Variants in CHAF1A observed in about 807,000 individuals in gnomAD.
The protein encoded by CHAF1A is CAF-1 subunit A.
Under a neutral mutation model 93.2 loss-of-function variants are expected in CHAF1A, and 5 were observed. The ratio of observed to expected loss-of-function variants is 0.05; its 90% CI spans 0.03 to 0.11. CHAF1A has a LOEUF of 0.11. CHAF1A is among the 10% of genes least tolerant of loss of function. The pLI is 1.00. For synonymous variants in CHAF1A, 504 were observed against 510.3 expected, an observed-to-expected ratio of 0.99 and a Z score of 0.17; for missense variants, 1,102 against 1,259.9, an observed-to-expected ratio of 0.87 and a Z score of 1.90.
chr19:4,436,678 C>T (rs946192884), intron 13 of CHAF1A, among the ~76,000 whole-genome samples: 5 of 152,160 alleles, frequency 3.3e-5, no homozygotes, highest in Admixed American at 2.0e-4. Flanking sequence ...CTCAGATGTT[C>T]CTTTGGGGTC....
chr19:4,414,404 AAAAAAAAC>A (rs1973862143), intron 3 of CHAF1A, among the ~76,000 whole-genome samples: 1 of 151,772 alleles, frequency 6.6e-6, no homozygotes, highest in African/African-American at 2.4e-5. Context: ...CTCAAAAAAA[AAAAAAAAC>A]AAAAAGGAAA....
chr19:4,448,480 C>G (rs1974587668), downstream of CHAF1A: 1 of 1,330,002 alleles, frequency 7.5e-7, no homozygotes, highest in Non-Finnish European at 1.1e-6. Flanking sequence ...CTCCGCTGCC[C>G]AGGTAACAGG....
At chr19:4,447,019 AG>A, downstream of CHAF1A, 1 of 1,228,676 alleles carries the variant, frequency 8.1e-7, no homozygotes, top group South Asian at 1.3e-5. Context: ...TATTGGGAGC[AG>A]CTGTCGACCC....
At chr19:4,448,304 G>C (rs1174259590), downstream of CHAF1A, 1 of 1,594,426 alleles carries the variant, frequency 6.3e-7, no homozygotes, top group Admixed American at 1.7e-5. Flanking sequence ...AGGGCAAAGG[G>C]GCCACACGCT....
chr19:4,417,872 C>T, intron 3 of CHAF1A, 148 bp from the exon 4 acceptor site: 1 of 516,986 alleles, frequency 1.9e-6, no homozygotes, highest in South Asian at 2.8e-5. Flanking sequence ...CCCAGATACA[C>T]ACATGTATGC....
rs748172904 is a variant in CHAF1A at position 4,433,233 on chromosome 19, T to A, written c.2367T>A (p.Asp789Glu). 6.2e-7 allele frequency: 1 copy of A among 1,614,146 alleles called. No individual in the cohort carries two copies. Among genetic ancestry groups the A allele is most frequent in the Non-Finnish European group, 8.5e-7 (1 of 1,180,018 alleles). The change falls in exon 13 of 15, where the codon GAT becomes GAA. Residue 789 changes from aspartate (D) to glutamate (E), a missense_variant. Around this residue, in one of 6 missense-constraint regions of CHAF1A, gnomAD observed 335 missense variants for 361.9 expected, o/e 0.93. Coordinates refer to ENST00000301280, the MANE Select transcript of CHAF1A (RefSeq NM_005483.3). The surrounding 1 kb of genome is among the most constrained non-coding windows in gnomAD (Gnocchi z 5.6). ...TGCACACCCCCACCCCCAGCGAGGA[T>A]GCCGCCATCCCCTCTAAGTCCCGGC... ...TYLHTPTPSE[D>E]AAIPSKSRLK...
At chr19:4,407,721 G>A (rs1973705966) in intron 2 of CHAF1A, among the ~76,000 whole-genome samples, 1 of 152,240 alleles carries the variant, frequency 6.6e-6, no homozygotes, top group Middle Eastern at 3.4e-3. Context: ...GTGGAGGCGG[G>A]CAGATCACCT....
At chr19:4,408,288 G>T (rs976915263) in intron 2 of CHAF1A, among the ~76,000 whole-genome samples, 1 of 150,678 alleles carries the variant, frequency 6.6e-6, no homozygotes, top group Admixed American at 6.6e-5. Flanking sequence ...CGCCCCCCGG[G>T]TTCACACCAT....
At chr19:4,419,367 G>A (rs188325047) in intron 4 of CHAF1A, among the ~76,000 whole-genome samples, 73 of 152,104 alleles carry the variant, frequency 4.8e-4, no homozygotes, top group Middle Eastern at 3.4e-3. Context: ...TTCACTGGGC[G>A]TTTCCTGAGC....
At chr19:4,414,834 T>G (rs1973869985) in intron 3 of CHAF1A, among the ~76,000 whole-genome samples, 2 of 152,222 alleles carry the variant, frequency 1.3e-5, no homozygotes, top group South Asian at 4.1e-4. Context: ...GTTCTTATTT[T>G]CCCAGCTTGC....
At chr19:4,429,673 A>C (rs1453139455) in intron 9 of CHAF1A, 35 bp from the exon 10 acceptor site, 4 of 1,613,872 alleles carry the variant, frequency 2.5e-6, no homozygotes, top group Non-Finnish European at 3.4e-6. Flanking sequence ...CCAGCCCCAA[A>C]GACAGTTGTG....
downstream of CHAF1A, chr19:4,448,627 A>G: frequency 1.7e-6 from 1 of 587,134 alleles, no homozygotes; most frequent in Non-Finnish European, 3.0e-6. Context: ...AAGACCCAGC[A>G]GAACTCAAGT....
At position 4,409,778 on chromosome 19, in the gene CHAF1A, GTCCCTGC is replaced by G. The variant is rs1425708923; in HGVS notation, c.960+20_960+26del. 1.3e-6 allele frequency: 2 copies of G among 1,589,584 alleles called. No homozygotes were observed. Among genetic ancestry groups the G allele is most frequent in the Admixed American group, 3.4e-5 (2 of 58,510 alleles). Reference sequence around the variant, plus strand: ...CCGCAGAGTGAGTATCTCCCATGGAGTCCCTGCACATCAGTGCTCACGGATCTCAGAG... The same window carrying G: ...CCGCAGAGTGAGTATCTCCCATGGAGACATCAGTGCTCACGGATCTCAGAG... On this transcript the variant is annotated intron_variant, in intron 3 of 14. Transcript: ENST00000301280.
intron 1 of CHAF1A, among the ~76,000 whole-genome samples, chr19:4,404,438 T>C (rs1973643801): frequency 6.6e-6 from 1 of 152,222 alleles, no homozygotes. Context: ...AAAATAAAGT[T>C]AAGTGACTAA....
downstream of CHAF1A, chr19:4,447,421 A>T: frequency 1.0e-6 from 1 of 988,332 alleles, no homozygotes; most frequent in Non-Finnish European, 1.6e-6. Flanking sequence ...CGAACCCTTC[A>T]CTGCTTGTGG....
At chr19:4,403,435 G>A (rs950776919) in intron 1 of CHAF1A, among the ~76,000 whole-genome samples, 2 of 152,250 alleles carry the variant, frequency 1.3e-5, no homozygotes, top group Non-Finnish European at 2.9e-5. Context: ...AGACCAGACT[G>A]TCCCTCTCCC....
chr19:4,427,067 C>T (rs971182961), intron 7 of CHAF1A, among the ~76,000 whole-genome samples: 6 of 142,662 alleles, frequency 4.2e-5, no homozygotes, highest in South Asian at 4.5e-4. Flanking sequence ...CTCCAGGCTG[C>T]GCAATGAAGC....
rs967075330 is a variant in CHAF1A at position 4,422,923 on chromosome 19, T to C, written c.1247+128T>C. On this transcript the variant is annotated intron_variant, in intron 5 of 14. Transcript: ENST00000301280. This position sits in a 1 kb window ranked among gnomAD's most constrained non-coding sequence, Gnocchi z 4.6. The stretch of plus-strand genomic sequence containing the variant: ...CCCTTCAGTTCCTTCCCATTTCTCC[T>C]TCGTGAGGTGCCCGTGGGGCCCTGA... 3.3e-6 allele frequency: 3 copies of C among 903,026 alleles called. No homozygotes were observed. Among genetic ancestry groups the C allele is most frequent in the African/African-American group, 1.7e-5 (1 of 59,356 alleles). 55.9% of individuals were successfully genotyped at this position (903,026 alleles called of 1,614,324 possible). A position where few individuals can be genotyped will look rare whatever the true frequency, so the allele number is the denominator to read the frequency against.
intron 4 of CHAF1A, among the ~76,000 whole-genome samples, chr19:4,419,522 C>T (rs1223387833): frequency 3.3e-5 from 5 of 152,000 alleles, no homozygotes; most frequent in Admixed American, 6.6e-5. Flanking sequence ...CTCTACCTCC[C>T]GGGTTCAAGC....
Sources: gnomAD v4.1 joint callset for allele counts (sites outside exome capture counted in the v4.1 genomes callset) on GRCh38, gnomAD v4.1.1 for gene constraint, gnomAD v4.1.1 regional missense constraint, Gnocchi (gnomAD v3.1) non-coding constraint, MANE v1.5 for transcripts, NCBI Gene and HGNC (gene_info 2026-07-23, HGNC 2026-07-21) for gene names.